Variants in GRIN2B observed in about 807,000 individuals in gnomAD.
The protein encoded by GRIN2B is glutamate ionotropic receptor NMDA type subunit 2B.
A neutral mutation model predicts 114.5 loss-of-function variants in GRIN2B; 5 were observed. The ratio of observed to expected loss-of-function variants is 0.04; its 90% CI spans 0.02 to 0.09. The LOEUF is 0.09. Ranked by LOEUF, GRIN2B falls within the 10% of genes least tolerant of loss-of-function variation. The probability of loss-of-function intolerance (pLI) is 1.00; values close to 1 mark genes in which losing one functional copy is unlikely to be tolerated. For synonymous variants in GRIN2B, 787 were observed against 745.1 expected (o/e 1.06, Z -0.92); for missense variants, 1,108 against 1,943.5 (o/e 0.57, Z 8.08).
At chr12:13,602,411 T>G (rs1244929479) in intron 10 of GRIN2B, among the ~76,000 whole-genome samples, 1 of 152,210 alleles carries the variant, frequency 6.6e-6, no homozygotes, top group Non-Finnish European at 1.5e-5. Flanking sequence ...CTGAGCGAGA[T>G]GTTCTGGGCC....
At chr12:13,806,237 C>A (rs1324866932) in intron 3 of GRIN2B, among the ~76,000 whole-genome samples, 1 of 152,036 alleles carries the variant, frequency 6.6e-6, no homozygotes, top group Non-Finnish European at 1.5e-5. Context: ...CTTTGAGATG[C>A]CCAAAAGTGG....
At chr12:13,663,881 G>A (rs1323614008) in intron 5 of GRIN2B, among the ~76,000 whole-genome samples, 1 of 152,094 alleles carries the variant, frequency 6.6e-6, no homozygotes, top group Non-Finnish European at 1.5e-5. Context: ...TAAAATGATA[G>A]TGAACACGAG....
chr12:13,722,230 G>T (rs1862895871), intron 4 of GRIN2B, among the ~76,000 whole-genome samples: 1 of 152,152 alleles, frequency 6.6e-6, no homozygotes, highest in Admixed American at 6.5e-5. Context: ...AAGGAAATAG[G>T]CAAAAGCAGA....
At chr12:13,763,012 G>T (rs1565528487) in intron 3 of GRIN2B, among the ~76,000 whole-genome samples, 1 of 151,822 alleles carries the variant, frequency 6.6e-6, no homozygotes, top group Non-Finnish European at 1.5e-5. Context: ...CAATCAAAGA[G>T]GCTTTGAATT....
chr12:13,860,513 C>T (rs565913105), intron 3 of GRIN2B, among the ~76,000 whole-genome samples: 3 of 152,096 alleles, frequency 2.0e-5, no homozygotes, highest in East Asian at 1.9e-4. Context: ...TTAATAGACA[C>T]GGGGTTTCAC....
chr12:13,899,587 C>A lies in GRIN2B; in HGVS notation c.-18-33361G>T, dbSNP rs113617587. ...TGACACACATTAAGGAACACATTAA[C>A]ATTAAATCTGATTATTTCCTATGTC... On this transcript the variant is annotated intron_variant, in intron 2 of 13. Transcript: ENST00000609686. 3.0e-4 allele frequency among the ~76,000 whole-genome samples: 43 copies of A among 143,716 alleles called. 1 individual carries two copies. Among genetic ancestry groups the A allele is most frequent in the African/African-American group, 9.0e-4 (37 of 41,056 alleles). 94.3% of individuals were successfully genotyped at this position (143,716 alleles called of 152,430 possible).
chr12:13,607,328 A>ATTAT (rs1949277938), intron 10 of GRIN2B, among the ~76,000 whole-genome samples: 1 of 51,258 alleles, frequency 2.0e-5, no homozygotes, highest in Non-Finnish European at 3.6e-5. Flanking sequence ...AAAATATATA[A>ATTAT]TATATATTAT....
intron 3 of GRIN2B, among the ~76,000 whole-genome samples, chr12:13,769,252 T>C (rs1863861068): frequency 1.3e-5 from 2 of 151,688 alleles, no homozygotes; most frequent in Non-Finnish European, 2.9e-5. Flanking sequence ...GGGGACAGAG[T>C]GCCCTCAGTA....
At chr12:13,747,373 C>T (rs539441023) in intron 4 of GRIN2B, among the ~76,000 whole-genome samples, 1 of 152,314 alleles carries the variant, frequency 6.6e-6, no homozygotes, top group Non-Finnish European at 1.5e-5. Flanking sequence ...GAATCGTCCT[C>T]CCATTCAATG....
intron 4 of GRIN2B, among the ~76,000 whole-genome samples, chr12:13,717,894 G>C (rs1422176398): frequency 3.3e-5 from 5 of 151,920 alleles, no homozygotes; most frequent in Non-Finnish European, 4.4e-5. Flanking sequence ...AACAAGAAAA[G>C]GAAAACAAAT....
chr12:13,970,530 A>T (rs966690682), intron 2 of GRIN2B, among the ~76,000 whole-genome samples: 1 of 152,196 alleles, frequency 6.6e-6, no homozygotes, highest in African/African-American at 2.4e-5. Flanking sequence ...AGCACTGACC[A>T]TGTGCAGAGA....
At chr12:13,886,286 T>A (rs1056633601) in intron 2 of GRIN2B, among the ~76,000 whole-genome samples, 1 of 152,184 alleles carries the variant, frequency 6.6e-6, no homozygotes, top group African/African-American at 2.4e-5. Flanking sequence ...GTTCATATAG[T>A]TCATACAGAA....
intron 3 of GRIN2B, among the ~76,000 whole-genome samples, chr12:13,822,176 G>T (rs1864951613): frequency 6.6e-6 from 1 of 152,118 alleles, no homozygotes; most frequent in African/African-American, 2.4e-5. Flanking sequence ...GCAAAAAGAG[G>T]AGACAATACC....
Position 13,753,849 on chromosome 12 carries a change from T to A in GRIN2B, c.478A>T (p.Ile160Phe). Residue 160 changes from isoleucine to phenylalanine, a missense_variant, in exon 4 of 14, where the codon ATC (isoleucine) becomes TTC (phenylalanine). Physicochemically the swap from Ile to Phe is conservative, Grantham distance 21. Coordinates refer to ENST00000609686, the MANE Select transcript of GRIN2B (RefSeq NM_000834.5). The surrounding 1 kb of genome is among the most constrained non-coding windows in gnomAD (Gnocchi z 6.2). ...ATGTACCAGTCATATTCTTCCATGA[T>A]GTTGAGCATTACGGAAGCTTGCTGT... ...IEQQASVMLN[I>F]MEEYDWYIFS... The A allele has an allele frequency of 6.2e-7, 1 of 1,613,898 alleles. No individual in the cohort carries two copies.
At chr12:13,570,116 G>A in intron 11 of GRIN2B, 99 bp from the exon 12 acceptor site, 2 of 832,412 alleles carry the variant, frequency 2.4e-6, no homozygotes. Context: ...AGAAAACTAT[G>A]TGGAGAATTG....
At chr12:13,687,350 T>A (rs2300241) in intron 4 of GRIN2B, among the ~76,000 whole-genome samples, 21,150 of 152,130 alleles carry the variant, frequency 0.14, 1,875 homozygotes, top group South Asian at 0.2. Flanking sequence ...AATATCTTGG[T>A]TCTCCTTATA....
intron 3 of GRIN2B, among the ~76,000 whole-genome samples, chr12:13,829,735 C>G (rs553494605): frequency 1.3e-5 from 2 of 152,294 alleles, no homozygotes; most frequent in African/African-American, 2.4e-5. Context: ...GTTCAGAAAA[C>G]CTTTCTTTTC....
intron 3 of GRIN2B, among the ~76,000 whole-genome samples, chr12:13,764,799 A>C (rs538679626): frequency 2.6e-5 from 4 of 152,352 alleles, no homozygotes; most frequent in South Asian, 4.1e-4. Context: ...AGGTCCTTGA[A>C]AGAAAATGTC....
chr12:13,713,364 T>C (rs1381177973), intron 4 of GRIN2B, among the ~76,000 whole-genome samples: 2 of 151,846 alleles, frequency 1.3e-5, no homozygotes, highest in Non-Finnish European at 2.9e-5. Context: ...ACACTGACCT[T>C]AGTGGCTTAA....
Sources: gnomAD v4.1 joint callset for allele counts (sites outside exome capture counted in the v4.1 genomes callset) on GRCh38, gnomAD v4.1.1 for gene constraint, Gnocchi (gnomAD v3.1) non-coding constraint, MANE v1.5 for transcripts, NCBI Gene and HGNC (gene_info 2026-07-23, HGNC 2026-07-21) for gene names.